The following CCSER1 variants were observed in gnomAD, a reference collection of about 807,000 sequenced individuals.
CCSER1 encodes the protein serine-rich coiled-coil domain-containing protein 1.
In CCSER1, 41 loss-of-function variants were observed where a neutral mutation model predicts 82.0. That is an observed-to-expected ratio of 0.50 (90% CI 0.39 to 0.65). The LOEUF is 0.65. CCSER1 is among the 30% of genes least tolerant of loss of function. The pLI is 0.00. For synonymous variants in CCSER1, 414 were observed against 383.9 expected (o/e 1.08, Z -0.92); for missense variants, 1,119 against 1,064.2 (o/e 1.05, Z -0.72).
intron 4 of CCSER1, among the ~76,000 whole-genome samples, chr4:90,448,835 C>T (rs114564154): frequency 0.017 from 2,560 of 152,102 alleles, 68 homozygotes; most frequent in African/African-American, 0.058. Flanking sequence ...ACAAGGTGAG[C>T]GGAGGGACGT....
At chr4:90,305,488 A>G (rs1226383238) in intron 1 of CCSER1, among the ~76,000 whole-genome samples, 1 of 152,200 alleles carries the variant, frequency 6.6e-6, no homozygotes, top group Non-Finnish European at 1.5e-5. Context: ...AAACCATTTT[A>G]AAGAATATAG....
Position 91,393,758 on chromosome 4 carries a change from A to G in CCSER1, c.2218-204814A>G, listed in dbSNP as rs1751802107. 2.0e-5 allele frequency among the ~76,000 whole-genome samples: 3 copies of G among 151,980 alleles called. No homozygotes were observed. In the South Asian group the frequency reaches 6.2e-4, roughly 31 times the overall value. On this transcript the variant is annotated intron_variant, in intron 10 of 10. Transcript: ENST00000509176. ...GGTTTGATTTTGAAGGTGTATGGAA[A>G]TTAAAGAACTCTAATTTTTTAAGAG...
chr4:91,358,908 CTCAGCTATCCA>C (rs1252100736), intron 10 of CCSER1, among the ~76,000 whole-genome samples: 3 of 152,108 alleles, frequency 2.0e-5, no homozygotes, highest in Admixed American at 2.0e-4. Context: ...AAGGGGCTGC[CTCAGCTATCCA>C]TCAGTCACCT....
intron 7 of CCSER1, among the ~76,000 whole-genome samples, chr4:90,804,552 T>G (rs1455616128): frequency 1.3e-5 from 2 of 152,110 alleles, no homozygotes; most frequent in African/African-American, 4.8e-5. Context: ...CTGAGGCCTC[T>G]GTTCTGTTCC....
intron 5 of CCSER1, among the ~76,000 whole-genome samples, chr4:90,610,022 G>A (rs1443097853): frequency 1.3e-5 from 2 of 152,100 alleles, no homozygotes; most frequent in African/African-American, 4.8e-5. Context: ...GGAGGCCAAG[G>A]CCGGTGGATC....
At chr4:91,478,153 AT>A (rs1160355521) in intron 10 of CCSER1, among the ~76,000 whole-genome samples, 5 of 151,898 alleles carry the variant, frequency 3.3e-5, no homozygotes, top group African/African-American at 1.2e-4. Flanking sequence ...AATCTTACTG[AT>A]CCCAAGCTTT....
At chr4:90,507,389 A>G (rs1770850789) in intron 5 of CCSER1, among the ~76,000 whole-genome samples, 1 of 151,922 alleles carries the variant, frequency 6.6e-6, no homozygotes, top group Non-Finnish European at 1.5e-5. Flanking sequence ...CCGTCTAAAC[A>G]TTATTTGAAA....
intron 5 of CCSER1, among the ~76,000 whole-genome samples, chr4:90,547,201 GCC>G (rs1187112032): frequency 1.6e-5 from 2 of 121,564 alleles, no homozygotes; most frequent in African/African-American, 7.7e-5. Flanking sequence ...TATTGTTAAT[GCC>G]AATACAATGT....
At chr4:90,916,452 G>A (rs1324575176) in intron 8 of CCSER1, among the ~76,000 whole-genome samples, 1 of 152,030 alleles carries the variant, frequency 6.6e-6, no homozygotes, top group Non-Finnish European at 1.5e-5. Flanking sequence ...GGGAAAACTG[G>A]CTCGCCATAT....
At chr4:90,726,653 T>C (rs1382006352) in intron 7 of CCSER1, among the ~76,000 whole-genome samples, 5 of 152,124 alleles carry the variant, frequency 3.3e-5, no homozygotes, top group Non-Finnish European at 5.9e-5. Context: ...CCCACATACA[T>C]ACTCACTTCT....
chr4:90,373,118 A>G (rs1007150887), intron 3 of CCSER1, among the ~76,000 whole-genome samples: 2 of 152,028 alleles, frequency 1.3e-5, no homozygotes, highest in Non-Finnish European at 2.9e-5. Context: ...ACTCAAACAG[A>G]TATCTCATCC....
chr4:91,290,146 G>A (rs1048114097), intron 10 of CCSER1, among the ~76,000 whole-genome samples: 3 of 151,914 alleles, frequency 2.0e-5, no homozygotes, highest in Non-Finnish European at 4.4e-5. Flanking sequence ...AAAATGGAAG[G>A]GAAATTGAAG....
intron 10 of CCSER1, among the ~76,000 whole-genome samples, chr4:91,586,490 C>A (rs73836248): frequency 0.11 from 16,544 of 151,480 alleles, 929 homozygotes; most frequent in Middle Eastern, 0.18. Flanking sequence ...GCACCAGGAG[C>A]GTGAAATGTC....
chr4:90,324,293 CAA>C (rs1035123354), intron 3 of CCSER1, among the ~76,000 whole-genome samples: 8 of 151,738 alleles, frequency 5.3e-5, no homozygotes, highest in African/African-American at 1.9e-4. Context: ...CCAACAGTGT[CAA>C]AGTGTTCCTA....
At chr4:90,224,715 G>A (rs1742809632) in intron 1 of CCSER1, among the ~76,000 whole-genome samples, 1 of 152,288 alleles carries the variant, frequency 6.6e-6, no homozygotes, top group Middle Eastern at 3.4e-3. Flanking sequence ...GCATGTAATA[G>A]ACACTCAAAA....
At chr4:90,736,140 G>T (rs1164884445) in intron 7 of CCSER1, among the ~76,000 whole-genome samples, 1 of 152,072 alleles carries the variant, frequency 6.6e-6, no homozygotes, top group Admixed American at 6.5e-5. Flanking sequence ...CTATCCTTGA[G>T]AGTTATTCAT....
intron 10 of CCSER1, among the ~76,000 whole-genome samples, chr4:91,384,976 T>C (rs1751185904): frequency 6.6e-6 from 1 of 152,070 alleles, no homozygotes; most frequent in African/African-American, 2.4e-5. Context: ...TCTCATGCAT[T>C]GCATCTGGGA....
At chr4:90,418,711 C>T (rs1756187045) in intron 4 of CCSER1, among the ~76,000 whole-genome samples, 1 of 151,938 alleles carries the variant, frequency 6.6e-6, no homozygotes. Context: ...TTCACTGAAG[C>T]ATTTGTTTTA....
intron 10 of CCSER1, among the ~76,000 whole-genome samples, chr4:91,585,652 C>A (rs2110326390): frequency 6.6e-6 from 1 of 151,462 alleles, no homozygotes; most frequent in East Asian, 1.9e-4. Flanking sequence ...GACTGAGTTA[C>A]CTGTCAGGTA....
Sources: gnomAD v4.1 joint callset for allele counts (sites outside exome capture counted in the v4.1 genomes callset) on GRCh38, gnomAD v4.1.1 for gene constraint, MANE v1.5 for transcripts, NCBI Gene and HGNC (gene_info 2026-07-23, HGNC 2026-07-21) for gene names.